SESTD1: variants seen among roughly 807,000 people sequenced by gnomAD.
The protein encoded by SESTD1 is SEC14 domain and spectrin repeat-containing protein 1.
SESTD1 carries 43 observed loss-of-function variants against 101.7 expected under a neutral mutation model. That is an observed-to-expected ratio of 0.42 (90% confidence interval 0.33 to 0.55). The LOEUF (loss-of-function observed/expected upper bound fraction) is 0.55. Among genes scored for constraint, SESTD1 ranks in the 20% least tolerant of loss-of-function variants. The pLI is 0.07. For synonymous variants in SESTD1, 283 were observed against 286.8 expected (o/e 0.99, Z 0.13); for missense variants, 647 against 815.1 (o/e 0.79, Z 2.51).
chr2:179,136,997 A>G (rs921053510), intron 9 of SESTD1, among the ~76,000 whole-genome samples: 5 of 152,154 alleles, frequency 3.3e-5, no homozygotes, highest in African/African-American at 1.2e-4. Flanking sequence ...AATAAAAATG[A>G]TGCAAATTGA....
intron 9 of SESTD1, 92 bp downstream of exon 9, chr2:179,143,500 C>T: frequency 9.2e-7 from 1 of 1,086,830 alleles, no homozygotes. Context: ...CTAAGGTTTT[C>T]TATATAGTGT....
chr2:179,200,496 G>A (rs563930923), intron 1 of SESTD1, among the ~76,000 whole-genome samples: 35 of 151,946 alleles, frequency 2.3e-4, no homozygotes, highest in Non-Finnish European at 4.9e-4. Context: ...AAAGCTGGAG[G>A]CATCACATTA....
chr2:179,239,264 C>G (rs2047114211), intron 1 of SESTD1, among the ~76,000 whole-genome samples: 1 of 151,950 alleles, frequency 6.6e-6, no homozygotes, highest in Non-Finnish European at 1.5e-5. Flanking sequence ...GAGAATAATC[C>G]TGAATTCTGT....
intron 1 of SESTD1, among the ~76,000 whole-genome samples, chr2:179,258,286 A>C (rs941277887): frequency 1.3e-5 from 2 of 152,208 alleles, no homozygotes; most frequent in Non-Finnish European, 2.9e-5. Flanking sequence ...CTGAAGCCCC[A>C]ATAGATAGAA....
chr2:179,108,387 T>C lies in SESTD1; in HGVS notation c.*1512A>G, dbSNP rs1233559543. The C allele has an allele frequency of 6.6e-6, 1 of 152,252 alleles. No individual in the cohort carries two copies. The highest frequency in any genetic ancestry group is 2.4e-5 in the African/African-American group (1 of 41,446). 9.4% of individuals were successfully genotyped at this position (152,252 alleles called of 1,614,324 possible). On this transcript the variant is annotated 3_prime_UTR_variant, in exon 18 of 18. Coordinates refer to ENST00000428443, the MANE Select transcript of SESTD1 (RefSeq NM_178123.5). ...ATGTTGCAGAGAAAAGGGTAAGGGA[T>C]TCAGACGGAGAAAAAAACCATTCAG...
rs1329506887 is a variant in SESTD1 at position 179,108,559 on chromosome 2, T to C, written c.*1340A>G. On this transcript the variant is annotated 3_prime_UTR_variant, in exon 18 of 18. Transcript: ENST00000428443. ...TTTCTCCAAGAAGTCTGTCAGTCAG[T>C]GAAGAAGGCTGGAAAAACTAGCAGG... is the stretch of plus-strand genomic sequence containing the variant. 1 of 151,292 alleles carries C rather than the reference T, an allele frequency of 6.6e-6. No individual in the cohort carries two copies. Among genetic ancestry groups the C allele is most frequent in the Non-Finnish European group, 1.5e-5 (1 of 67,924 alleles). 9.4% of individuals were successfully genotyped at this position (151,292 alleles called of 1,614,324 possible).
At chr2:179,136,156 T>G (rs955701583) in intron 9 of SESTD1, among the ~76,000 whole-genome samples, 3 of 152,238 alleles carry the variant, frequency 2.0e-5, no homozygotes, top group Admixed American at 6.5e-5. Context: ...CCGGCTCTGC[T>G]TCTTCTAGTT....
chr2:179,167,535 A>T (rs2105469474), intron 5 of SESTD1, among the ~76,000 whole-genome samples: 1 of 152,348 alleles, frequency 6.6e-6, no homozygotes, highest in Middle Eastern at 3.4e-3. Context: ...AGTACAGAGA[A>T]CACTAAGTGG....
intron 1 of SESTD1, among the ~76,000 whole-genome samples, chr2:179,260,047 A>C (rs189298854): frequency 6.6e-6 from 1 of 152,222 alleles, no homozygotes; most frequent in African/African-American, 2.4e-5. Context: ...CTACTTAAAA[A>C]TTTGTTCCTA....
chr2:179,205,378 A>G (rs2046577085), intron 1 of SESTD1, among the ~76,000 whole-genome samples: 1 of 134,950 alleles, frequency 7.4e-6, no homozygotes, highest in East Asian at 2.0e-4. Context: ...GATAAAATCT[A>G]TTAATATTAT....
intron 9 of SESTD1, among the ~76,000 whole-genome samples, chr2:179,142,632 C>T (rs749014192): frequency 4.6e-5 from 7 of 152,208 alleles, no homozygotes; most frequent in Non-Finnish European, 7.3e-5. Flanking sequence ...ATTTACCATG[C>T]TACTCTTCAT....
At position 179,108,344 on chromosome 2, in the gene SESTD1, G is replaced by C. The variant is rs775358789; in HGVS notation, c.*1555C>G. 6.6e-6 allele frequency: 1 copy of C among 152,210 alleles called. No homozygotes were observed. Among genetic ancestry groups the C allele is most frequent in the Non-Finnish European group, 1.5e-5 (1 of 68,060 alleles). 9.4% of individuals were successfully genotyped at this position (152,210 alleles called of 1,614,324 possible). A position where few individuals can be genotyped will look rare whatever the true frequency, so the allele number is the denominator to read the frequency against. Reference sequence around the variant, plus strand: ...AAGGAAGGAGACACTGTCTAGGAAAGGTTGCTCAATGGTGTAAATGTTGCA... The same window carrying C: ...AAGGAAGGAGACACTGTCTAGGAAACGTTGCTCAATGGTGTAAATGTTGCA... On this transcript the variant is annotated 3_prime_UTR_variant, in exon 18 of 18. Coordinates refer to ENST00000428443, the MANE Select transcript of SESTD1 (RefSeq NM_178123.5).
In SESTD1 at chr2:179,212,418, C is replaced by T. The variant is rs533888356; in HGVS notation, c.-25-20552G>A. Among the ~76,000 whole-genome samples, 20 of 136,468 alleles carry T rather than the reference C, an allele frequency of 1.5e-4. 5 individuals carry two copies. Among genetic ancestry groups the T allele is most frequent in the African/African-American group, 3.2e-4 (11 of 34,844 alleles). The allele number at this position is 136,468 out of a possible 152,430, so 89.5% of individuals were successfully genotyped here. A position where few individuals can be genotyped will look rare whatever the true frequency, so the allele number is the denominator to read the frequency against. On this transcript the variant is annotated intron_variant, in intron 1 of 17. Transcript: ENST00000428443. ...GCTAGCGCAGCAATCTGAGATCAAA[C>T]TGTGAGGCAGCAGCCTGGCTGGGGG...
At chr2:179,196,570 T>G (rs2105502494) in intron 1 of SESTD1, among the ~76,000 whole-genome samples, 1 of 152,332 alleles carries the variant, frequency 6.6e-6, no homozygotes, top group Middle Eastern at 3.4e-3. Flanking sequence ...CTGACAGCTT[T>G]GAAGACAGCA....
At chr2:179,167,577 A>G (rs888968585) in intron 5 of SESTD1, among the ~76,000 whole-genome samples, 3 of 152,214 alleles carry the variant, frequency 2.0e-5, no homozygotes, top group Admixed American at 2.0e-4. Context: ...ACAGAGATAC[A>G]GCAAAATAAA....
rs1258356668 is a variant in SESTD1, at chr2:179,209,078, A to G, written c.-25-17212T>C. 4.5e-5 allele frequency among the ~76,000 whole-genome samples: 6 copies of G among 134,804 alleles called. 1 individual carries two copies. The highest frequency in any genetic ancestry group is 1.8e-4 in the African/African-American group (6 of 34,048). The allele number at this position is 134,804 out of a possible 152,430, so 88.4% of individuals were successfully genotyped here. On this transcript the variant is annotated intron_variant, in intron 1 of 17. Transcript: ENST00000428443. ...AAAAGTGAGCAGGCGTGGCGTAGCT[A>G]TTCTTCTATCAGACAAAACTAAAGC...
intron 1 of SESTD1, among the ~76,000 whole-genome samples, chr2:179,229,718 T>C (rs946734190): frequency 2.1e-5 from 3 of 145,820 alleles, no homozygotes; most frequent in Non-Finnish European, 3.0e-5. Context: ...GGTTCTTATA[T>C]ACATAAAGAA....
intron 1 of SESTD1, among the ~76,000 whole-genome samples, chr2:179,196,237 C>T (rs932339207): frequency 1.2e-4 from 19 of 152,220 alleles, no homozygotes; most frequent in African/African-American, 3.4e-4. Context: ...TCGAATCCTG[C>T]GCTTTTCCGA....
intron 9 of SESTD1, among the ~76,000 whole-genome samples, chr2:179,141,554 A>T (rs2045275833): frequency 6.6e-6 from 1 of 151,782 alleles, no homozygotes; most frequent in Non-Finnish European, 1.5e-5. Flanking sequence ...TTAATAGAAG[A>T]CTCATTATGT....
Sources: gnomAD v4.1 joint callset for allele counts (sites outside exome capture counted in the v4.1 genomes callset) on GRCh38, gnomAD v4.1.1 for gene constraint, MANE v1.5 for transcripts, NCBI Gene and HGNC (gene_info 2026-07-23, HGNC 2026-07-21) for gene names.